ADAMTS17: variants seen among roughly 807,000 people sequenced by gnomAD.
ADAMTS17 encodes the protein ADAM metallopeptidase with thrombospondin type 1 motif 17.
Under a neutral mutation model 141.5 loss-of-function variants are expected in ADAMTS17, and 113 were observed. The observed-to-expected ratio is 0.80, with a 90% CI of 0.69 to 0.93. The LOEUF (loss-of-function observed/expected upper bound fraction) is 0.93. Among genes scored for constraint, ADAMTS17 ranks in the 40% least tolerant of loss-of-function variants. The pLI is 0.00. For missense variants in ADAMTS17, 1,659 were observed against 1,517.9 expected (o/e 1.09, Z -1.54); for synonymous variants, 768 against 630.6 (o/e 1.22, Z -3.27).
At chr15:100,068,922 G>A (rs1028963285) in intron 15 of ADAMTS17, among the ~76,000 whole-genome samples, 1 of 152,192 alleles carries the variant, frequency 6.6e-6, no homozygotes, top group African/African-American at 2.4e-5. Flanking sequence ...AGAGAAGAAG[G>A]CTTCAGATGA....
chr15:100,170,075 C>T (rs1412061528), intron 8 of ADAMTS17, among the ~76,000 whole-genome samples: 5 of 151,818 alleles, frequency 3.3e-5, no homozygotes, highest in East Asian at 1.9e-4. Context: ...GAAGAGGAAG[C>T]GTGATGTGAC....
At chr15:100,273,513 C>T (rs1000680946) in intron 4 of ADAMTS17, among the ~76,000 whole-genome samples, 1 of 151,996 alleles carries the variant, frequency 6.6e-6, no homozygotes, top group African/African-American at 2.4e-5. Flanking sequence ...TCTTATAATC[C>T]TTTTTATTTC....
At chr15:100,331,712 G>A (rs913305199) in intron 2 of ADAMTS17, among the ~76,000 whole-genome samples, 5 of 152,084 alleles carry the variant, frequency 3.3e-5, no homozygotes, top group Non-Finnish European at 7.4e-5. Flanking sequence ...GAGATCTGGC[G>A]GATGAGTCTC....
chr15:100,228,248 A>G (rs1211283675), intron 7 of ADAMTS17, among the ~76,000 whole-genome samples: 4 of 152,184 alleles, frequency 2.6e-5, no homozygotes, highest in African/African-American at 9.7e-5. Context: ...AAGGCCTCAG[A>G]ACAGTCTACT....
chr15:100,246,309 C>G (rs368857835), intron 7 of ADAMTS17, among the ~76,000 whole-genome samples: 1 of 152,108 alleles, frequency 6.6e-6, no homozygotes, highest in African/African-American at 2.4e-5. Context: ...GTCTTTTAAG[C>G]AGATGGTCTA....
At chr15:100,025,729 A>AT (rs1344346372) in intron 18 of ADAMTS17, among the ~76,000 whole-genome samples, 1 of 151,846 alleles carries the variant, frequency 6.6e-6, no homozygotes, top group Non-Finnish European at 1.5e-5. Flanking sequence ...GAAAAAGAAA[A>AT]TTTTTTTCTT....
At position 100,204,764 on chromosome 15, in the gene ADAMTS17, G is replaced by A. The variant is rs569177177; in HGVS notation, c.1076-5341C>T. ...TATAACATCAAAAGCACAAGTAGGG[G>A]TGGGAAAATCCTAACCTCTTACAAC... is the stretch of plus-strand genomic sequence containing the variant. On this transcript the variant is annotated intron_variant, in intron 7 of 21. Coordinates refer to ENST00000268070, the MANE Select transcript of ADAMTS17 (RefSeq NM_139057.4). 3.3e-5 allele frequency among the ~76,000 whole-genome samples: 5 copies of A among 152,334 alleles called. No homozygotes were observed. In the South Asian group the frequency reaches 1.0e-3, roughly 32 times the overall value.
chr15:100,338,235 G>T (rs1432300739), intron 2 of ADAMTS17, among the ~76,000 whole-genome samples: 1 of 152,164 alleles, frequency 6.6e-6, no homozygotes, highest in Non-Finnish European at 1.5e-5. Flanking sequence ...AATGGAACAG[G>T]TGCTTTACTC....
In ADAMTS17 at chr15:100,285,717, G is replaced by A. The variant is rs551212838; in HGVS notation, c.617-4316C>T. On this transcript the variant is annotated intron_variant, in intron 3 of 21. Coordinates refer to ENST00000268070, the MANE Select transcript of ADAMTS17 (RefSeq NM_139057.4). ...ATGACCCGCACGAATGCTTGAGCCG[G>A]CAGGGAGAGCTGCTGAGAGAGGTGG... Among the ~76,000 whole-genome samples, 6 of 152,318 alleles carry A rather than the reference G, an allele frequency of 3.9e-5. No individual in the cohort carries two copies. The East Asian group carries it at 7.7e-4, about 20-fold the overall frequency.
chr15:100,101,590 T>G (rs2036105262), intron 14 of ADAMTS17, among the ~76,000 whole-genome samples: 1 of 152,222 alleles, frequency 6.6e-6, no homozygotes, highest in Non-Finnish European at 1.5e-5. Context: ...CATAGAGGAC[T>G]GTGTCTGAGA....
chr15:100,288,095 T>C (rs1318599758), intron 3 of ADAMTS17, among the ~76,000 whole-genome samples: 4 of 152,206 alleles, frequency 2.6e-5, no homozygotes, highest in Non-Finnish European at 4.4e-5. Flanking sequence ...GAAACAACTG[T>C]ATGCTGTCTT....
At chr15:100,183,464 C>T (rs1255702578) in intron 8 of ADAMTS17, among the ~76,000 whole-genome samples, 2 of 152,058 alleles carry the variant, frequency 1.3e-5, no homozygotes, top group Admixed American at 1.3e-4. Context: ...GTTGTTGTTC[C>T]TATATTTTTT....
At chr15:100,223,722 G>GTGTATATATACACATGTATGTGTA (rs2042209566) in intron 7 of ADAMTS17, among the ~76,000 whole-genome samples, 1 of 150,102 alleles carries the variant, frequency 6.7e-6, no homozygotes, top group African/African-American at 2.5e-5. Flanking sequence ...TATACATATA[G>GTGTATATATACACATGTATGTGTA]TGTATATATA....
At chr15:100,192,499 T>C (rs148219095) in intron 8 of ADAMTS17, among the ~76,000 whole-genome samples, 254 of 152,354 alleles carry the variant, frequency 1.7e-3, no homozygotes, top group African/African-American at 5.4e-3. Flanking sequence ...TAAACAGTTA[T>C]GACATTCTCA....
intron 4 of ADAMTS17, among the ~76,000 whole-genome samples, chr15:100,266,888 C>T (rs1339305275): frequency 2.0e-5 from 3 of 152,114 alleles, no homozygotes; most frequent in African/African-American, 7.2e-5. Context: ...ATGAGACCTC[C>T]GGTGGTCCCT....
At chr15:100,171,019 C>T (rs12441281) in intron 8 of ADAMTS17, among the ~76,000 whole-genome samples, 1 of 152,124 alleles carries the variant, frequency 6.6e-6, no homozygotes, top group African/African-American at 2.4e-5. Flanking sequence ...CTGCTGCCCC[C>T]CTTAGGGGCA....
intron 8 of ADAMTS17, among the ~76,000 whole-genome samples, chr15:100,186,872 T>C (rs1218792920): frequency 1.3e-5 from 2 of 152,248 alleles, no homozygotes; most frequent in Admixed American, 6.5e-5. Flanking sequence ...ATGTTTCCTA[T>C]AAGCAATATT....
At chr15:100,282,058 C>A (rs2044303204) in intron 3 of ADAMTS17, among the ~76,000 whole-genome samples, 2 of 152,070 alleles carry the variant, frequency 1.3e-5, no homozygotes. Flanking sequence ...AACCTATATC[C>A]CTGTAAAATC....
At position 100,063,883 on chromosome 15, in the gene ADAMTS17, C is replaced by G. The variant is rs879162245; in HGVS notation, c.2138-9829G>C. On this transcript the variant is annotated intron_variant, in intron 15 of 21. Transcript: ENST00000268070. Reference sequence around the variant, plus strand: ...AGTGGCTTCAGAAATGGAGGGCTGGCGCAGAAGAAGGAGGCTCTCCTAAGG... The same window carrying G: ...AGTGGCTTCAGAAATGGAGGGCTGGGGCAGAAGAAGGAGGCTCTCCTAAGG... 7.3e-5 allele frequency: 42 copies of G among 579,108 alleles called. No individual in the cohort carries two copies. In the Admixed American group the frequency reaches 1.0e-3, roughly 14 times the overall value. The allele number at this position is 579,108 out of a possible 1,614,324, so 35.9% of individuals were successfully genotyped here.
Sources: allele counts gnomAD v4.1 joint callset (sites outside exome capture counted in the v4.1 genomes callset), GRCh38; gene constraint gnomAD v4.1.1; transcripts MANE v1.5; gene names NCBI Gene and HGNC (gene_info 2026-07-23, HGNC 2026-07-21).